The following SUSD1 variants were observed in gnomAD, a reference collection of about 807,000 sequenced individuals.
SUSD1 encodes the protein sushi domain containing 1.
Under a neutral mutation model 86.9 loss-of-function variants are expected in SUSD1, and 65 were observed. The ratio of observed to expected loss-of-function variants is 0.75; its 90% CI spans 0.61 to 0.92. SUSD1 has a LOEUF of 0.92. Ranked by LOEUF, SUSD1 falls within the 40% of genes least tolerant of loss-of-function variation. The pLI is 0.00. For missense variants in SUSD1, 850 were observed against 929.7 expected (o/e 0.91, Z 1.11); for synonymous variants, 346 against 350.0 (o/e 0.99, Z 0.13).
intron 1 of SUSD1, among the ~76,000 whole-genome samples, chr9:112,171,506 C>T (rs370714366): frequency 6.6e-6 from 1 of 152,258 alleles, no homozygotes; most frequent in East Asian, 1.9e-4. Flanking sequence ...AACCAAGGCA[C>T]GGAATATGGT....
chr9:112,102,974 G>T (rs1830687633), intron 8 of SUSD1, among the ~76,000 whole-genome samples: 1 of 152,148 alleles, frequency 6.6e-6, no homozygotes, highest in African/African-American at 2.4e-5. Flanking sequence ...TAGAAGGATA[G>T]ATTTATTACT....
At chr9:112,059,847 G>T (rs1828633286) in intron 13 of SUSD1, among the ~76,000 whole-genome samples, 1 of 152,138 alleles carries the variant, frequency 6.6e-6, no homozygotes, top group Non-Finnish European at 1.5e-5. Context: ...TTGAGCATCT[G>T]CTGTCTCTGT....
chr9:112,170,993 G>A (rs767794358), intron 1 of SUSD1, among the ~76,000 whole-genome samples: 11 of 152,108 alleles, frequency 7.2e-5, no homozygotes, highest in Non-Finnish European at 1.3e-4. Flanking sequence ...GATTATAGGC[G>A]TGAGCCACCG....
intron 2 of SUSD1, among the ~76,000 whole-genome samples, chr9:112,152,093 C>G (rs1488686128): frequency 1.3e-5 from 2 of 150,144 alleles, no homozygotes; most frequent in Non-Finnish European, 3.0e-5. Flanking sequence ...ATCCCAGCTA[C>G]TTGGGAGGCT....
chr9:112,156,819 T>C (rs1833348944), intron 2 of SUSD1, among the ~76,000 whole-genome samples: 1 of 152,208 alleles, frequency 6.6e-6, no homozygotes, highest in African/African-American at 2.4e-5. Flanking sequence ...TTAATGCATA[T>C]AACAAGGTTG....
At position 112,157,534 on chromosome 9, in the gene SUSD1, A is replaced by T; in HGVS notation, c.183T>A (p.Tyr61Ter). Residue 61 changes from tyrosine (Y) to a stop codon, truncating the protein, a stop_gained, in exon 2 of 17, where the codon TAT becomes TAA. Transcript: ENST00000374270. LOFTEE classifies it high-confidence loss of function. ...GAGTCCTCCCGTTCCCTACAAATCC[A>T]TAGTTGCAAATACAGATCTTCTTCC... ...REGKKICICNYGFVGNGRTQC... is the reference protein window; with the variant it reads ...REGKKICICN The T allele has an allele frequency of 6.2e-7, 1 of 1,614,122 alleles. No homozygotes were observed. The highest frequency in any genetic ancestry group is 1.1e-5 in the South Asian group (1 of 91,076).
chr9:112,142,654 T>G, intron 4 of SUSD1, 155 bp from the exon 5 acceptor site: 3 of 657,812 alleles, frequency 4.6e-6, no homozygotes, highest in Non-Finnish European at 4.9e-6. Flanking sequence ...CTGGGAACAT[T>G]TCCAACAATT....
At chr9:112,133,684 T>C (rs1168212322) in intron 5 of SUSD1, among the ~76,000 whole-genome samples, 1 of 152,116 alleles carries the variant, frequency 6.6e-6, no homozygotes, top group African/African-American at 2.4e-5. Flanking sequence ...AAGCCCTCAA[T>C]AGCAATTGCA....
intron 8 of SUSD1, among the ~76,000 whole-genome samples, chr9:112,111,339 C>T (rs557505293): frequency 6.6e-6 from 1 of 152,244 alleles, no homozygotes; most frequent in Admixed American, 6.5e-5. Flanking sequence ...CACATGGCTA[C>T]CCTCTGTTGC....
chr9:112,127,228 C>T (rs573022964), intron 5 of SUSD1, among the ~76,000 whole-genome samples: 30 of 152,148 alleles, frequency 2.0e-4, no homozygotes, highest in African/African-American at 6.0e-4. Flanking sequence ...AAAAATTACC[C>T]GGGCGTGGTG....
At position 112,062,817 on chromosome 9, in the gene SUSD1, A is replaced by G. The variant is rs942531539; in HGVS notation, c.1850+120T>C. The G allele has an allele frequency of 9.7e-6, 6 of 617,266 alleles. No homozygotes were observed. The African/African-American group carries it at 1.1e-4, about 11-fold the overall frequency. 38.2% of individuals were successfully genotyped at this position (617,266 alleles called of 1,614,324 possible). On this transcript the variant is annotated intron_variant, in intron 13 of 16. Coordinates refer to ENST00000374270, the MANE Select transcript of SUSD1 (RefSeq NM_022486.5). ...AGGAAACAAAAGAGGCCCCAACTGC[A>G]TTGTTCTAACCACCCAAGTGCAGCC...
At chr9:112,087,502 C>T (rs570703165) in intron 10 of SUSD1, among the ~76,000 whole-genome samples, 2 of 152,010 alleles carry the variant, frequency 1.3e-5, no homozygotes, top group Admixed American at 6.6e-5. Flanking sequence ...AAACTTAAAA[C>T]ATAAATGGAC....
At chr9:112,072,767 T>G (rs1829339156) in intron 12 of SUSD1, among the ~76,000 whole-genome samples, 1 of 152,190 alleles carries the variant, frequency 6.6e-6, no homozygotes. Context: ...AGGGCAAACA[T>G]GCCTCTCCTA....
Position 112,133,368 on chromosome 9 carries a change from T to C in SUSD1, c.707-8932A>G, listed in dbSNP as rs144144981. Among the ~76,000 whole-genome samples, 793 of 152,276 alleles carry C rather than the reference T, an allele frequency of 5.2e-3. 10 individuals carry two copies. Among genetic ancestry groups the C allele is most frequent in the African/African-American group, 0.018 (760 of 41,534 alleles). The stretch of plus-strand genomic sequence containing the variant: ...AGCATGGTACTGGTACATAGGCCAA[T>C]AGGCCAATGGAACAGAATAGAGAAC... On this transcript the variant is annotated intron_variant, in intron 5 of 16. Coordinates refer to ENST00000374270, the MANE Select transcript of SUSD1 (RefSeq NM_022486.5).
chr9:112,074,957 A>C (rs1220091481), intron 12 of SUSD1, among the ~76,000 whole-genome samples: 2 of 152,128 alleles, frequency 1.3e-5, no homozygotes, highest in African/African-American at 4.8e-5. Context: ...GCACAGAGAG[A>C]GGGAACTTGA....
chr9:112,093,994 GC>G (rs1416105574), intron 10 of SUSD1, among the ~76,000 whole-genome samples: 2 of 151,910 alleles, frequency 1.3e-5, no homozygotes, highest in Admixed American at 6.6e-5. Flanking sequence ...CTTTGACATT[GC>G]CCGGAAGTAG....
intron 6 of SUSD1, among the ~76,000 whole-genome samples, chr9:112,117,072 G>A (rs555224893): frequency 9.2e-5 from 14 of 152,292 alleles, no homozygotes; most frequent in Admixed American, 5.2e-4. Flanking sequence ...CTTGGGAGGC[G>A]GAGGTTGCAG....
Position 112,041,365 on chromosome 9 carries a change from G to T in SUSD1, c.*127C>A. On this transcript the variant is annotated 3_prime_UTR_variant, in exon 17 of 17. Coordinates refer to ENST00000374270, the MANE Select transcript of SUSD1 (RefSeq NM_022486.5). The stretch of plus-strand genomic sequence containing the variant: ...CAGGAATGGGGCCCAGCTGGGAATG[G>T]AGAAAGTTGCAGGCCCACATGCTCC... The T allele has an allele frequency of 1.3e-6, 1 of 751,828 alleles. No homozygotes were observed. 46.6% of individuals were successfully genotyped at this position (751,828 alleles called of 1,614,324 possible).
intron 5 of SUSD1, among the ~76,000 whole-genome samples, chr9:112,125,604 T>C (rs1292540407): frequency 6.6e-6 from 1 of 152,200 alleles, no homozygotes; most frequent in Non-Finnish European, 1.5e-5. Context: ...ACTTGAGGCA[T>C]TCATTCTGAT....
Sources: gnomAD v4.1 joint callset for allele counts (sites outside exome capture counted in the v4.1 genomes callset) on GRCh38, gnomAD v4.1.1 for gene constraint, MANE v1.5 for transcripts, NCBI Gene and HGNC (gene_info 2026-07-23, HGNC 2026-07-21) for gene names.